The following DENND3 variants were observed in gnomAD, a reference collection of about 807,000 sequenced individuals.
DENND3 encodes DENN domain-containing protein 3.
Under a neutral mutation model 135.1 loss-of-function variants are expected in DENND3, and 88 were observed. The ratio of observed to expected loss-of-function variants is 0.65; its 90% confidence interval spans 0.55 to 0.78. The LOEUF (loss-of-function observed/expected upper bound fraction) is 0.78. DENND3 is among the 30% of genes least tolerant of loss of function. DENND3 has a pLI of 0.00. For synonymous variants in DENND3, 693 were observed against 712.3 expected (o/e 0.97, Z 0.43); for missense variants, 1,392 against 1,688.4 (o/e 0.82, Z 3.08).
rs1437391111 is a variant in DENND3 at position 141,137,190 on chromosome 8, G to C, written c.385+399G>C. 6.6e-6 allele frequency among the ~76,000 whole-genome samples: 1 copy of C among 152,134 alleles called. No individual in the cohort carries two copies. Among genetic ancestry groups the C allele is most frequent in the Non-Finnish European group, 1.5e-5 (1 of 68,032 alleles). On this transcript the variant is annotated intron_variant, in intron 2 of 22. Coordinates refer to ENST00000519811, the MANE Select transcript of DENND3 (RefSeq NM_001352890.3). The surrounding 1 kb of genome is among the most constrained non-coding windows in gnomAD (Gnocchi z 4.1). Reference sequence around the variant, plus strand: ...AAATGGGGTTTCACCATGTTGGCCAGGCTGGTCTTGAACTCTTGGCCTCAA... The same window carrying C: ...AAATGGGGTTTCACCATGTTGGCCACGCTGGTCTTGAACTCTTGGCCTCAA...
intron 18 of DENND3, 113 bp downstream of exon 18, chr8:141,185,391 G>T (rs1184602803): frequency 1.4e-6 from 2 of 1,404,388 alleles, no homozygotes; most frequent in South Asian, 1.5e-5. Context: ...AGCCTCACTC[G>T]GTTTCTGTAA....
intron 18 of DENND3, among the ~76,000 whole-genome samples, chr8:141,187,925 G>A (rs1824113562): frequency 6.6e-6 from 1 of 152,144 alleles, no homozygotes; most frequent in Non-Finnish European, 1.5e-5. Context: ...AGTGGCTCAC[G>A]CCTGTAATCC....
chr8:141,182,583 G>A lies in DENND3; in HGVS notation c.2944+1729G>A. ...AGTTCAGGCGGCTTCCCCTCCAGGA[G>A]CATCTCGAAGGCCTGCAGAGAGCGT... is the stretch of plus-strand genomic sequence containing the variant. On this transcript the variant is annotated intron_variant, in intron 17 of 22. Coordinates refer to ENST00000519811, the MANE Select transcript of DENND3 (RefSeq NM_001352890.3). This position sits in a 1 kb window ranked among gnomAD's most constrained non-coding sequence, Gnocchi z 5.9. The A allele has an allele frequency of 4.0e-6, 3 of 746,954 alleles. No individual in the cohort carries two copies. Among genetic ancestry groups the A allele is most frequent in the Non-Finnish European group, 4.9e-6 (3 of 613,228 alleles). The allele number at this position is 746,954 out of a possible 1,614,324, so 46.3% of individuals were successfully genotyped here. A position where few individuals can be genotyped will look rare whatever the true frequency, so the allele number is the denominator to read the frequency against.
chr8:141,171,488 G>A (rs893117588), intron 13 of DENND3, among the ~76,000 whole-genome samples: 2 of 152,234 alleles, frequency 1.3e-5, no homozygotes, highest in African/African-American at 2.4e-5. Flanking sequence ...TTGCCTGCAC[G>A]CCACCTAGCT....
At chr8:141,145,983 G>A (rs565848267) in intron 5 of DENND3, among the ~76,000 whole-genome samples, 31 of 151,214 alleles carry the variant, frequency 2.1e-4, no homozygotes, top group African/African-American at 7.5e-4. Flanking sequence ...AGAGTAGCTG[G>A]GATTACAGGC....
chr8:141,168,634 C>G lies in DENND3; in HGVS notation c.2275+109C>G, dbSNP rs1821106567. ...AATCACAGCTCACTGCAACCTCCAC[C>G]TCCTGGGCTCAAGCAGTCCTCCCAC... On this transcript the variant is annotated intron_variant, in intron 13 of 22. Transcript: ENST00000519811. This position sits in a 1 kb window ranked among gnomAD's most constrained non-coding sequence, Gnocchi z 6.2. 1.5e-6 allele frequency: 2 copies of G among 1,373,816 alleles called. No homozygotes were observed. The highest frequency in any genetic ancestry group is 2.7e-5 in the Admixed American group (1 of 37,436). 85.1% of individuals were successfully genotyped at this position (1,373,816 alleles called of 1,614,324 possible). A position where few individuals can be genotyped will look rare whatever the true frequency, so the allele number is the denominator to read the frequency against.
chr8:141,163,175 A>C lies in DENND3; in HGVS notation c.1353-158A>C, dbSNP rs1333234328. Among the ~76,000 whole-genome samples, 3 of 152,344 alleles carry C rather than the reference A, an allele frequency of 2.0e-5. No homozygotes were observed. The East Asian group carries it at 5.8e-4, about 29-fold the overall frequency. ...AAATTTATGCTTGACCACAAAATAC[A>C]TCCACATCGTATCATTTTGGTAATC... On this transcript the variant is annotated intron_variant, in intron 9 of 22. Transcript: ENST00000519811.
chr8:141,189,324 G>A (rs1053997042), intron 19 of DENND3, among the ~76,000 whole-genome samples, 178 bp downstream of exon 19: 1 of 152,234 alleles, frequency 6.6e-6, no homozygotes, highest in Non-Finnish European at 1.5e-5. Context: ...TCACGGGTGC[G>A]GAGAACCCAT....
rs773624905 is a variant in DENND3 at position 141,175,480 on chromosome 8, C to T, written c.2535+21C>T. 9.5e-5 allele frequency: 153 copies of T among 1,613,900 alleles called. No homozygotes were observed. The highest frequency in any genetic ancestry group is 1.4e-4 in the South Asian group (13 of 91,002). The stretch of plus-strand genomic sequence containing the variant: ...TAGAGGTAAGGACAGCACAGGCAGA[C>T]GGCGCCAGACCCCACCTGTGTTTAG... On this transcript the variant is annotated intron_variant, in intron 14 of 22. Coordinates refer to ENST00000519811, the MANE Select transcript of DENND3 (RefSeq NM_001352890.3). The surrounding 1 kb of genome is among the most constrained non-coding windows in gnomAD (Gnocchi z 5.4).
chr8:141,145,834 TATATATATATATATATGTA>T lies in DENND3; in HGVS notation c.735+1576_735+1594del, dbSNP rs1433415003. On this transcript the variant is annotated intron_variant, in intron 5 of 22. Coordinates refer to ENST00000519811, the MANE Select transcript of DENND3 (RefSeq NM_001352890.3). ...ATATATATATATATATATATATATA[TATATATATATATATATGTA>T]TTTTTTTTTTTTTGAGGCGGAGTCT... 1.6e-3 allele frequency among the ~76,000 whole-genome samples: 129 copies of T among 82,248 alleles called. 4 individuals are homozygous for T. Among genetic ancestry groups the T allele is most frequent in the African/African-American group, 6.6e-3 (76 of 11,532 alleles). The allele number at this position is 82,248 out of a possible 152,430, so 54.0% of individuals were successfully genotyped here.
rs375597588 is a variant in DENND3, at chr8:141,160,802, A to G, written c.1352+15A>G. Reference sequence around the variant, plus strand: ...AGCATCTTCAGGTACGTGAGAGAACATTCCCAGTGTCCATGAGGAGGTAAC... The same window carrying G: ...AGCATCTTCAGGTACGTGAGAGAACGTTCCCAGTGTCCATGAGGAGGTAAC... On this transcript the variant is annotated intron_variant, in intron 9 of 22. Transcript: ENST00000519811. 3.1e-6 allele frequency: 5 copies of G among 1,601,020 alleles called. No individual in the cohort carries two copies. In the Admixed American group the frequency reaches 6.7e-5, roughly 21 times the overall value.
chr8:141,187,764 T>A (rs1192382333), intron 18 of DENND3, among the ~76,000 whole-genome samples: 1 of 152,016 alleles, frequency 6.6e-6, no homozygotes, highest in Non-Finnish European at 1.5e-5. Flanking sequence ...GATGATAAAG[T>A]AATAGGATCC....
intron 16 of DENND3, among the ~76,000 whole-genome samples, chr8:141,178,466 T>G (rs916638075): frequency 5.9e-5 from 9 of 152,002 alleles, no homozygotes; most frequent in Non-Finnish European, 1.5e-5. Flanking sequence ...ACTGCAAGCA[T>G]TTGTGGTGAT....
Position 141,151,762 on chromosome 8 carries a change from G to C in DENND3, c.999G>C (p.Gln333His). The change falls in exon 7 of 23, where the codon CAG (glutamine) becomes CAC (histidine). Residue 333 changes from glutamine (Q) to histidine (H), a missense_variant. Transcript: ENST00000519811. ...QHPFVPILSD[Q>H]MLDFVMAPTS... ...CCTTCGTGCCCATCCTGTCGGACCAGATGCTGGATTTCGTCATGGCCCCCA... is the reference window on the plus strand; with the variant it reads ...CCTTCGTGCCCATCCTGTCGGACCACATGCTGGATTTCGTCATGGCCCCCA... 1 of 1,614,226 alleles carries C rather than the reference G, an allele frequency of 6.2e-7. No individual in the cohort carries two copies. The highest frequency in any genetic ancestry group is 8.5e-7 in the Non-Finnish European group (1 of 1,180,036).
intron 22 of DENND3, 123 bp downstream of exon 22, chr8:141,192,786 T>TCC: frequency 6.3e-7 from 1 of 1,591,670 alleles, no homozygotes; most frequent in Non-Finnish European, 8.5e-7. Flanking sequence ...CTCTCAGGGT[T>TCC]CCCCTCCTAA....
Position 141,128,790 on chromosome 8 carries a change from G to A in DENND3, c.83G>A (p.Ser28Asn). ...LCALLGAPRDSLRSLEQVAYK... is the reference protein window; with the variant it reads ...LCALLGAPRDNLRSLEQVAYK... ...GCGCTGCTGGGCGCCCCCCGGGACA[G>A]TCTCCGAAGTCTCGAGCAGGTGAGG... Residue 28 changes from serine to asparagine, a missense_variant, in exon 1 of 23, where the codon AGT becomes AAT. Coordinates refer to ENST00000519811, the MANE Select transcript of DENND3 (RefSeq NM_001352890.3). The surrounding 1 kb of genome is among the most constrained non-coding windows in gnomAD (Gnocchi z 4.5). 1 of 1,450,422 alleles carries A rather than the reference G, an allele frequency of 6.9e-7. No individual in the cohort carries two copies. The highest frequency in any genetic ancestry group is 1.3e-5 in the South Asian group (1 of 75,570). 89.8% of individuals were successfully genotyped at this position (1,450,422 alleles called of 1,614,324 possible).
intron 1 of DENND3, among the ~76,000 whole-genome samples, chr8:141,129,366 A>C (rs546175509): frequency 1.3e-5 from 2 of 152,322 alleles, no homozygotes; most frequent in East Asian, 3.9e-4. Context: ...CGTATTCTGC[A>C]TGAACCCCTT....
rs755790230 is a variant in DENND3, at chr8:141,194,613, G to C, written c.*380G>C. On this transcript the variant is annotated 3_prime_UTR_variant, in exon 23 of 23. Coordinates refer to ENST00000519811, the MANE Select transcript of DENND3 (RefSeq NM_001352890.3). ...GTGACCCGTGGCCCTCACGTCTCTG[G>C]TTTTACCTTTCCTTACTTCATTCAT... 4.4e-6 allele frequency: 1 copy of C among 229,728 alleles called. No homozygotes were observed. Among genetic ancestry groups the C allele is most frequent in the Non-Finnish European group, 8.4e-6 (1 of 118,570 alleles). The allele number at this position is 229,728 out of a possible 1,614,324, so 14.2% of individuals were successfully genotyped here.
At chr8:141,173,057 T>TGAGGCACCCCAGTCAGAGGCGGAGGTG (rs1821849563) in intron 13 of DENND3, among the ~76,000 whole-genome samples, 1 of 152,112 alleles carries the variant, frequency 6.6e-6, no homozygotes, top group African/African-American at 2.4e-5. Flanking sequence ...CGGAGGTGGC[T>TGAGGCACCCCAGTCAGAGGCGGAGGTG]GCATTGGGTG....
Sources: allele counts gnomAD v4.1 joint callset (sites outside exome capture counted in the v4.1 genomes callset), GRCh38; gene constraint gnomAD v4.1.1; non-coding constraint Gnocchi (gnomAD v3.1); transcripts MANE v1.5; gene names NCBI Gene and HGNC (gene_info 2026-07-23, HGNC 2026-07-21).